Variants in TLN2 observed in about 807,000 individuals in gnomAD.
TLN2 encodes talin-2.
TLN2 carries 118 observed loss-of-function variants against 294.7 expected under a neutral mutation model. The observed-to-expected ratio is 0.40, with a 90% CI of 0.34 to 0.47. The LOEUF is 0.47. Among genes scored for constraint, TLN2 ranks in the 20% least tolerant of loss-of-function variants. The pLI, the probability that TLN2 is intolerant of heterozygous loss-of-function variation, is 0.84. For missense variants in TLN2, 3,083 were observed against 3,282.2 expected (o/e 0.94, Z 1.48); for synonymous variants, 1,431 against 1,304.5 (o/e 1.10, Z -2.09).
At chr15:62,524,433 G>A (rs2040626736) in intron 1 of TLN2, among the ~76,000 whole-genome samples, 1 of 152,136 alleles carries the variant, frequency 6.6e-6, no homozygotes, top group African/African-American at 2.4e-5. Flanking sequence ...CCTCATCGGG[G>A]TGCTGAGACA....
At chr15:62,804,676 A>G (rs1174999116) in intron 50 of TLN2, among the ~76,000 whole-genome samples, 1 of 152,168 alleles carries the variant, frequency 6.6e-6, no homozygotes, top group Non-Finnish European at 1.5e-5. Flanking sequence ...GTAGCATTCA[A>G]GGGTGAAGTG....
intron 3 of TLN2, among the ~76,000 whole-genome samples, chr15:62,644,144 C>T (rs767741682): frequency 1.2e-4 from 18 of 151,392 alleles, no homozygotes; most frequent in Middle Eastern, 3.4e-3. Context: ...TCCAGGCTCT[C>T]CCCCGCGCCA....
chr15:62,517,658 A>G (rs2040249854), intron 1 of TLN2, among the ~76,000 whole-genome samples: 1 of 152,226 alleles, frequency 6.6e-6, no homozygotes, highest in South Asian at 2.1e-4. Context: ...TTGTTTTTTA[A>G]AAGTCAAACA....
At chr15:62,718,048 C>T (rs555117251) in intron 24 of TLN2, among the ~76,000 whole-genome samples, 3 of 152,176 alleles carry the variant, frequency 2.0e-5, no homozygotes, top group Non-Finnish European at 4.4e-5. Flanking sequence ...CAGCCTCGCT[C>T]CCTGGAGCAG....
Position 62,722,501 on chromosome 15 carries a change from G to T in TLN2, c.3126+14G>T, listed in dbSNP as rs779097047. 1.2e-6 allele frequency: 2 copies of T among 1,602,480 alleles called. No individual in the cohort carries two copies. Among genetic ancestry groups the T allele is most frequent in the Non-Finnish European group, 1.7e-6 (2 of 1,172,830 alleles). On this transcript the variant is annotated intron_variant, in intron 26 of 58. Coordinates refer to ENST00000636159, the MANE Select transcript of TLN2 (RefSeq NM_015059.3). Reference sequence around the variant, plus strand: ...GCCTCGCAGAAGGCAAGTGGAGCGTGTCATAGGGGTTAACTTGTCAGGAAG... The same window carrying T: ...GCCTCGCAGAAGGCAAGTGGAGCGTTTCATAGGGGTTAACTTGTCAGGAAG...
intron 1 of TLN2, among the ~76,000 whole-genome samples, chr15:62,468,388 GA>G (rs1400631388): frequency 1.3e-5 from 2 of 152,192 alleles, no homozygotes; most frequent in Non-Finnish European, 2.9e-5. Context: ...CTAAGCTGGG[GA>G]AAGTTAAGAT....
At chr15:62,721,922 TA>T (rs2060172957) in intron 25 of TLN2, among the ~76,000 whole-genome samples, 2 of 152,234 alleles carry the variant, frequency 1.3e-5, no homozygotes, top group Non-Finnish European at 2.9e-5. Flanking sequence ...CTGGCGAAGT[TA>T]TTTTGCTTTG....
At chr15:62,753,734 C>T in intron 35 of TLN2, 39 bp from the exon 36 acceptor site, 2 of 1,566,728 alleles carry the variant, frequency 1.3e-6, no homozygotes, top group Non-Finnish European at 1.7e-6. Flanking sequence ...CACCTAGGAG[C>T]ACGGAGCCTG....
At chr15:62,702,656 TCAGA>T in intron 18 of TLN2, 106 bp from the exon 19 acceptor site, 1 of 1,054,318 alleles carries the variant, frequency 9.5e-7, no homozygotes, top group Non-Finnish European at 1.4e-6. Context: ...ATTCTCACTG[TCAGA>T]CAAAGGGAGC....
At chr15:62,545,830 C>T (rs945717809) in intron 1 of TLN2, among the ~76,000 whole-genome samples, 4 of 152,112 alleles carry the variant, frequency 2.6e-5, no homozygotes, top group Admixed American at 2.6e-4. Context: ...AATGGATATC[C>T]GGAATATCAA....
intron 1 of TLN2, among the ~76,000 whole-genome samples, chr15:62,560,570 G>A (rs911600773): frequency 1.3e-5 from 2 of 152,256 alleles, no homozygotes; most frequent in Admixed American, 6.5e-5. Flanking sequence ...CAAGTGATCC[G>A]CGCGCCTGGC....
chr15:62,674,809 T>C (rs1442885965), intron 10 of TLN2, among the ~76,000 whole-genome samples: 1 of 152,174 alleles, frequency 6.6e-6, no homozygotes, highest in Non-Finnish European at 1.5e-5. Context: ...GCCAATACAT[T>C]GAGGATGGAT....
rs370850379 is a variant in TLN2 at position 62,840,616 on chromosome 15, C to G, written c.*6C>G. The G allele has an allele frequency of 6.8e-6, 11 of 1,612,364 alleles. No homozygotes were observed. Among genetic ancestry groups the G allele is most frequent in the Non-Finnish European group, 9.3e-6 (11 of 1,179,254 alleles). The stretch of plus-strand genomic sequence containing the variant: ...TGAGGGAAGATGAGGGCTAAAGGTG[C>G]GAGCCCAGATGGCGAGCCCCAGGGG... On this transcript the variant is annotated 3_prime_UTR_variant, in exon 59 of 59. Coordinates refer to ENST00000636159, the MANE Select transcript of TLN2 (RefSeq NM_015059.3).
intron 45 of TLN2, 102 bp downstream of exon 45, chr15:62,783,992 C>A (rs781092728): frequency 1.5e-5 from 24 of 1,564,756 alleles, no homozygotes; most frequent in Non-Finnish European, 1.9e-5. Flanking sequence ...GACCCCAGCC[C>A]AGTAACCAGA....
At chr15:62,553,428 C>T (rs983103425) in intron 1 of TLN2, among the ~76,000 whole-genome samples, 3 of 151,558 alleles carry the variant, frequency 2.0e-5, no homozygotes, top group Non-Finnish European at 4.4e-5. Context: ...GAGGTTGCGG[C>T]GAGCCGAGAT....
At chr15:62,735,479 A>G (rs2060962115) in intron 28 of TLN2, among the ~76,000 whole-genome samples, 3 of 152,224 alleles carry the variant, frequency 2.0e-5, no homozygotes, top group Non-Finnish European at 4.4e-5. Context: ...AGTACATGCA[A>G]AGATGCTCAA....
At chr15:62,755,904 G>A (rs892835143) in intron 37 of TLN2, among the ~76,000 whole-genome samples, 1 of 152,220 alleles carries the variant, frequency 6.6e-6, no homozygotes, top group African/African-American at 2.4e-5. Context: ...TAACCTTTTA[G>A]ATGGTGGGGA....
chr15:62,762,569 T>C (rs2062742373), intron 39 of TLN2, 116 bp downstream of exon 39: 1 of 1,237,772 alleles, frequency 8.1e-7, no homozygotes, highest in South Asian at 1.5e-5. Flanking sequence ...CATCTTTTTC[T>C]TTTCTCTTTG....
At chr15:62,570,788 G>A (rs557169959) in intron 1 of TLN2, among the ~76,000 whole-genome samples, 1 of 152,330 alleles carries the variant, frequency 6.6e-6, no homozygotes, top group East Asian at 1.9e-4. Context: ...AACACTGAAT[G>A]TCTCCTGCAT....
Sources: allele counts gnomAD v4.1 joint callset (sites outside exome capture counted in the v4.1 genomes callset), GRCh38; gene constraint gnomAD v4.1.1; transcripts MANE v1.5; gene names NCBI Gene and HGNC (gene_info 2026-07-23, HGNC 2026-07-21).